Variants in GALNT7 observed in about 807,000 individuals in gnomAD.
GALNT7 encodes polypeptide N-acetylgalactosaminyltransferase 7, also known as N-acetylgalactosaminyltransferase 7.
GALNT7 carries 60 observed loss-of-function variants against 82.1 expected under a neutral mutation model. The observed-to-expected ratio is 0.73, with a 90% CI of 0.59 to 0.91. GALNT7 has a LOEUF of 0.91. GALNT7 is among the 40% of genes least tolerant of loss of function. GALNT7 has a pLI of 0.00. For synonymous variants in GALNT7, 243 were observed against 275.1 expected, an observed-to-expected ratio of 0.88 and a Z score of 1.15; for missense variants, 660 against 804.2, an observed-to-expected ratio of 0.82 and a Z score of 2.17.
chr4:173,295,255 C>T (rs964063261), intron 3 of GALNT7, 141 bp from the exon 4 acceptor site: 51 of 614,036 alleles, frequency 8.3e-5, no homozygotes, highest in Middle Eastern at 4.4e-4. Flanking sequence ...ACTTCGCCTT[C>T]CTTCTTGATA....
intron 8 of GALNT7, among the ~76,000 whole-genome samples, chr4:173,306,075 C>T (rs962306412): frequency 1.3e-5 from 2 of 152,044 alleles, no homozygotes; most frequent in African/African-American, 4.8e-5. Flanking sequence ...TTTATTTCAT[C>T]AGTGTTTTAT....
At chr4:173,286,732 G>A (rs1245392833) in intron 2 of GALNT7, among the ~76,000 whole-genome samples, 3 of 152,086 alleles carry the variant, frequency 2.0e-5, no homozygotes, top group South Asian at 4.2e-4. Context: ...GTTATGAGGT[G>A]GTATAAAGGG....
At chr4:173,255,616 T>TC (rs748871670) in intron 2 of GALNT7, among the ~76,000 whole-genome samples, 10 of 152,114 alleles carry the variant, frequency 6.6e-5, no homozygotes, top group Non-Finnish European at 1.2e-4. Context: ...ACTCTTTTTT[T>TC]CTCTCCGAAT....
chr4:173,304,695 C>G (rs968305867), intron 8 of GALNT7, among the ~76,000 whole-genome samples: 1 of 151,970 alleles, frequency 6.6e-6, no homozygotes, highest in Admixed American at 6.6e-5. Flanking sequence ...TCAGCCCACT[C>G]CCCCCAATCC....
intron 1 of GALNT7, among the ~76,000 whole-genome samples, chr4:173,176,472 AT>A (rs2126620665): frequency 6.6e-6 from 1 of 152,334 alleles, no homozygotes; most frequent in South Asian, 2.1e-4. Flanking sequence ...TGGATGGTAA[AT>A]TATATGGATG....
chr4:173,297,667 ATTTCCCATTAGATAT>A, intron 5 of GALNT7: 1 of 463,238 alleles, frequency 2.2e-6, no homozygotes, highest in Non-Finnish European at 3.7e-6. Flanking sequence ...CATTTACTCT[ATTTCCCATTAGATAT>A]TAAAGTCCCC....
rs1324548646 is a variant in GALNT7, at chr4:173,295,445, A to T, written c.804A>T (p.Leu268=). 4 of 1,604,566 alleles carry T rather than the reference A, an allele frequency of 2.5e-6. No individual in the cohort carries two copies. Among genetic ancestry groups the T allele is most frequent in the Non-Finnish European group, 3.4e-6 (4 of 1,171,452 alleles). ...LDEYIKLWNG[L]VKVFRNERRE... ...AATATATTAAGCTGTGGAATGGCCT[A>T]GTGAAGGTATTTCGAAATGAAAGAA... Residue 268 remains leucine, a synonymous_variant, in exon 4 of 12, where the codon CTA becomes CTT. Transcript: ENST00000265000.
intron 2 of GALNT7, among the ~76,000 whole-genome samples, chr4:173,249,004 T>C (rs1307674055): frequency 6.6e-6 from 1 of 152,204 alleles, no homozygotes; most frequent in East Asian, 1.9e-4. Context: ...CTCAGATAGA[T>C]AAAACTGTGA....
At chr4:173,178,052 T>TGTGCGCGCGCGCGCGCGCGC (rs563102408) in intron 1 of GALNT7, among the ~76,000 whole-genome samples, 2 of 129,510 alleles carry the variant, frequency 1.5e-5, no homozygotes, top group African/African-American at 6.1e-5. Flanking sequence ...TGTGTGTGTG[T>TGTGCGCGCGCGCGCGCGCGC]GCGCGCACGC....
chr4:173,291,823 A>G (rs1358888704), intron 2 of GALNT7, among the ~76,000 whole-genome samples: 1 of 151,362 alleles, frequency 6.6e-6, no homozygotes. Flanking sequence ...CAACCACCTG[A>G]TAGCTGTAAA....
At chr4:173,267,521 A>G (rs1475192777) in intron 2 of GALNT7, among the ~76,000 whole-genome samples, 3 of 152,212 alleles carry the variant, frequency 2.0e-5, no homozygotes, top group Admixed American at 6.5e-5. Context: ...GTCATCAGCA[A>G]TGGCCATTCC....
intron 1 of GALNT7, among the ~76,000 whole-genome samples, chr4:173,194,889 G>A (rs1023389120): frequency 3.1e-4 from 47 of 152,084 alleles, no homozygotes; most frequent in Non-Finnish European, 3.4e-4. Context: ...ACTGAATCCT[G>A]AAAATGTCCT....
At chr4:173,179,586 C>T (rs1366551303) in intron 1 of GALNT7, among the ~76,000 whole-genome samples, 1 of 152,214 alleles carries the variant, frequency 6.6e-6, no homozygotes, top group Non-Finnish European at 1.5e-5. Context: ...TGATTTAAAA[C>T]CAACCCATTG....
intron 1 of GALNT7, among the ~76,000 whole-genome samples, chr4:173,225,290 C>T (rs997522536): frequency 6.6e-6 from 1 of 151,868 alleles, no homozygotes; most frequent in African/African-American, 2.4e-5. Flanking sequence ...AATGTAATTA[C>T]AGAATTACTG....
intron 8 of GALNT7, among the ~76,000 whole-genome samples, chr4:173,304,820 T>G (rs1737087022): frequency 6.6e-6 from 1 of 151,866 alleles, no homozygotes; most frequent in Admixed American, 6.6e-5. Context: ...TAACATAATA[T>G]TCTCCATGTT....
At chr4:173,307,100 T>C (rs1737187928) in intron 8 of GALNT7, among the ~76,000 whole-genome samples, 1 of 152,208 alleles carries the variant, frequency 6.6e-6, no homozygotes, top group Non-Finnish European at 1.5e-5. Context: ...GCTGTAGATA[T>C]CTATAGTGGC....
intron 8 of GALNT7, among the ~76,000 whole-genome samples, chr4:173,307,475 A>G (rs546167095): frequency 2.0e-5 from 3 of 152,332 alleles, no homozygotes; most frequent in Admixed American, 2.0e-4. Flanking sequence ...CTAGGTCTCT[A>G]TGGCAGCTGA....
Position 173,302,571 on chromosome 4 carries a change from A to G in GALNT7, c.1266+407A>G, listed in dbSNP as rs1490358122. ...ATTCAAGACAGAAGCAGAGCCCCAC[A>G]ATGACTGTATCCTCAGGCTGACTTT... On this transcript the variant is annotated intron_variant, in intron 7 of 11. Coordinates refer to ENST00000265000, the MANE Select transcript of GALNT7 (RefSeq NM_017423.3). The surrounding 1 kb of genome is among the most constrained non-coding windows in gnomAD (Gnocchi z 4.2). 6.6e-6 allele frequency among the ~76,000 whole-genome samples: 1 copy of G among 152,170 alleles called. No homozygotes were observed. The highest frequency in any genetic ancestry group is 1.5e-5 in the Non-Finnish European group (1 of 68,026).
At chr4:173,251,779 A>G (rs181984666) in intron 2 of GALNT7, among the ~76,000 whole-genome samples, 3 of 152,274 alleles carry the variant, frequency 2.0e-5, no homozygotes. Flanking sequence ...TTCTGTAAAT[A>G]TTGTGTCTCC....
Sources: allele counts gnomAD v4.1 joint callset (sites outside exome capture counted in the v4.1 genomes callset), GRCh38; gene constraint gnomAD v4.1.1; non-coding constraint Gnocchi (gnomAD v3.1); transcripts MANE v1.5; gene names NCBI Gene and HGNC (gene_info 2026-07-23, HGNC 2026-07-21).